The following ENOX1 variants were observed in gnomAD, a reference collection of about 807,000 sequenced individuals.
ENOX1 encodes the protein ecto-NOX disulfide-thiol exchanger 1, also known as candidate growth-related and time keeping constitutive hydroquinone (NADH) oxidase.
ENOX1 carries 42 observed loss-of-function variants against 82.5 expected under a neutral mutation model. That is an observed-to-expected ratio of 0.51 (90% CI 0.40 to 0.66). The LOEUF (loss-of-function observed/expected upper bound fraction) is 0.66, where lower values mean the gene tolerates loss of function less well. Ranked by LOEUF, ENOX1 falls within the 30% of genes least tolerant of loss-of-function variation. ENOX1 has a pLI of 0.00. For synonymous variants in ENOX1, 271 were observed against 282.2 expected (o/e 0.96, Z 0.40); for missense variants, 608 against 811.6 (o/e 0.75, Z 3.05).
At chr13:43,279,044 G>T (rs2045226569) in intron 12 of ENOX1, among the ~76,000 whole-genome samples, 1 of 152,178 alleles carries the variant, frequency 6.6e-6, no homozygotes, top group Non-Finnish European at 1.5e-5. Flanking sequence ...CAGTGCCTGA[G>T]ACGGGGAGAG....
At chr13:43,768,384 T>C (rs1020473382) in intron 1 of ENOX1, among the ~76,000 whole-genome samples, 4 of 152,208 alleles carry the variant, frequency 2.6e-5, no homozygotes, top group African/African-American at 9.7e-5. Flanking sequence ...GGAGGATCAC[T>C]TGAGGCCAGG....
chr13:43,613,504 G>GT (rs138979544), intron 2 of ENOX1, among the ~76,000 whole-genome samples: 2,466 of 152,136 alleles, frequency 0.016, 56 homozygotes, highest in African/African-American at 0.056. Context: ...ACTAAGAGTT[G>GT]TTTATTTGAA....
intron 5 of ENOX1, among the ~76,000 whole-genome samples, chr13:43,388,818 T>C (rs2153580366): frequency 6.6e-6 from 1 of 152,138 alleles, no homozygotes; most frequent in Admixed American, 6.5e-5. Context: ...GAGGAAGGTG[T>C]CTCTGAATCA....
At chr13:43,328,983 G>A (rs575219496) in intron 9 of ENOX1, among the ~76,000 whole-genome samples, 22 of 152,372 alleles carry the variant, frequency 1.4e-4, no homozygotes, top group African/African-American at 5.3e-4. Context: ...CAAGAGAGGT[G>A]CAGATGACAG....
At position 43,356,035 on chromosome 13, in the gene ENOX1, G is replaced by C; in HGVS notation, c.707C>G (p.Ala236Gly). ...CTTGCGCCGGTGCCGCTCCTCCCGGGCACGCATCCTCTGCTTGCATTCCCA... is the reference window on the plus strand; with the variant it reads ...CTTGCGCCGGTGCCGCTCCTCCCGGCCACGCATCCTCTGCTTGCATTCCCA... ...YEWECKQRMR[A>G]REERHRRKLE... Residue 236 changes from alanine to glycine, a missense_variant, in exon 8 of 17, where the codon GCC becomes GGC. Physicochemically the swap from Ala to Gly is moderately conservative, Grantham distance 60. Coordinates refer to ENST00000690772, the MANE Select transcript of ENOX1 (RefSeq NM_001347969.2). The C allele has an allele frequency of 6.2e-7, 1 of 1,614,138 alleles. No individual in the cohort carries two copies. Among genetic ancestry groups the C allele is most frequent in the Non-Finnish European group, 8.5e-7 (1 of 1,180,030 alleles).
At chr13:43,424,929 G>A (rs554381455) in intron 3 of ENOX1, among the ~76,000 whole-genome samples, 2 of 152,280 alleles carry the variant, frequency 1.3e-5, no homozygotes, top group African/African-American at 4.8e-5. Context: ...CATCCAGTTG[G>A]AAAGTTCCAG....
At chr13:43,453,042 G>C (rs1443858741) in intron 3 of ENOX1, among the ~76,000 whole-genome samples, 1 of 152,246 alleles carries the variant, frequency 6.6e-6, no homozygotes, top group East Asian at 1.9e-4. Context: ...ATGAATGCAA[G>C]TCCAAGCTGT....
At chr13:43,784,831 A>C (rs1330273397) in intron 1 of ENOX1, among the ~76,000 whole-genome samples, 1 of 152,260 alleles carries the variant, frequency 6.6e-6, no homozygotes, top group Non-Finnish European at 1.5e-5. Context: ...TAAGAATTAC[A>C]ATATTCTTAG....
chr13:43,531,356 A>T (rs1478115125), intron 2 of ENOX1, among the ~76,000 whole-genome samples: 1 of 152,126 alleles, frequency 6.6e-6, no homozygotes, highest in Non-Finnish European at 1.5e-5. Flanking sequence ...GAGAAATGCA[A>T]ATCAAAACCA....
intron 11 of ENOX1, among the ~76,000 whole-genome samples, chr13:43,302,845 C>A (rs2046656638): frequency 6.6e-6 from 1 of 152,164 alleles, no homozygotes; most frequent in Non-Finnish European, 1.5e-5. Flanking sequence ...GAGCCAGCCT[C>A]AGAAAAATAG....
chr13:43,718,626 A>G (rs448786), intron 1 of ENOX1, among the ~76,000 whole-genome samples: 134,963 of 146,884 alleles, frequency 0.92, 62,268 homozygotes, highest in East Asian at 1. Context: ...GCAGTGAGCC[A>G]AGATAGTGCC....
intron 1 of ENOX1, among the ~76,000 whole-genome samples, chr13:43,712,046 T>C (rs1169154499): frequency 6.6e-6 from 1 of 151,880 alleles, no homozygotes; most frequent in Non-Finnish European, 1.5e-5. Flanking sequence ...AGGTTTTTTA[T>C]GGTTTTAGAT....
At chr13:43,587,825 C>T (rs1349520104) in intron 2 of ENOX1, among the ~76,000 whole-genome samples, 1 of 152,024 alleles carries the variant, frequency 6.6e-6, no homozygotes, top group Non-Finnish European at 1.5e-5. Context: ...TATTCTTCAA[C>T]TATTAGTTGA....
chr13:43,710,491 C>G (rs1218717850), intron 1 of ENOX1, among the ~76,000 whole-genome samples: 1 of 152,040 alleles, frequency 6.6e-6, no homozygotes, highest in East Asian at 1.9e-4. Context: ...AAATGTACAG[C>G]AAGCACTCAA....
intron 2 of ENOX1, among the ~76,000 whole-genome samples, chr13:43,587,309 C>T (rs1455350137): frequency 5.9e-5 from 9 of 152,260 alleles, no homozygotes; most frequent in African/African-American, 2.2e-4. Context: ...ACTTTCAAAT[C>T]ATCCATTACT....
intron 3 of ENOX1, among the ~76,000 whole-genome samples, chr13:43,448,711 A>C (rs2056793772): frequency 6.6e-6 from 1 of 152,132 alleles, no homozygotes; most frequent in Admixed American, 6.5e-5. Flanking sequence ...TCAGTTCAGT[A>C]AGTGAGAAAG....
At chr13:43,596,640 C>A (rs1226886511) in intron 2 of ENOX1, among the ~76,000 whole-genome samples, 1 of 152,240 alleles carries the variant, frequency 6.6e-6, no homozygotes, top group Non-Finnish European at 1.5e-5. Flanking sequence ...ATTTAACCAA[C>A]ATTCTAAAGA....
chr13:43,730,191 T>C (rs536717180), intron 1 of ENOX1, among the ~76,000 whole-genome samples: 45 of 152,326 alleles, frequency 3.0e-4, no homozygotes, highest in Non-Finnish European at 1.6e-4. Context: ...CTACCTTAAA[T>C]ACTTCTGTAG....
intron 1 of ENOX1, among the ~76,000 whole-genome samples, chr13:43,671,440 T>C (rs1340198016): frequency 6.6e-6 from 1 of 152,156 alleles, no homozygotes; most frequent in Non-Finnish European, 1.5e-5. Flanking sequence ...AGCAAATGAA[T>C]AAATGGAAAA....
Sources: gnomAD v4.1 joint callset for allele counts (sites outside exome capture counted in the v4.1 genomes callset) on GRCh38, gnomAD v4.1.1 for gene constraint, MANE v1.5 for transcripts, NCBI Gene and HGNC (gene_info 2026-07-23, HGNC 2026-07-21) for gene names.